The following PLAC1 variants were observed in gnomAD, a reference collection of about 807,000 sequenced individuals.
The protein encoded by PLAC1 is placenta-specific protein 1.
For synonymous variants in PLAC1, 68 were observed against 62.1 expected (o/e 1.09, Z -0.44); for missense variants, 136 against 163.2 (o/e 0.83, Z 0.91).
intron 2 of PLAC1, among the ~76,000 whole-genome samples, chrX:134,590,086 T>C (rs2078029726): frequency 9.1e-6 from 1 of 109,647 alleles, no homozygotes; most frequent in South Asian, 4.0e-4. Context: ...TCCCAGCTAC[T>C]TGGGAGGCTG....
chrX:134,718,431 CCTT>C (rs978869731), intron 2 of PLAC1, among the ~76,000 whole-genome samples: 1 of 112,365 alleles, frequency 8.9e-6, no homozygotes, highest in African/African-American at 3.2e-5. Context: ...AGAAGTACCT[CCTT>C]CTTGGACTTC....
At chrX:134,607,149 A>C in intron 1 of PLAC1, 1 of 131,958 alleles carries the variant, frequency 7.6e-6, no homozygotes, top group Non-Finnish European at 1.6e-5. Context: ...TATTTTGCCA[A>C]AATAATGAAC....
intron 2 of PLAC1, among the ~76,000 whole-genome samples, chrX:134,698,643 T>C (rs997613420): frequency 1.8e-5 from 2 of 111,124 alleles, no homozygotes; most frequent in South Asian, 7.8e-4. Context: ...GCTAAGTCCT[T>C]AGCCTTCTTT....
chrX:134,760,821 G>A (rs1343783461), intron 1 of PLAC1, among the ~76,000 whole-genome samples: 2 of 111,244 alleles, frequency 1.8e-5, no homozygotes, highest in Non-Finnish European at 3.8e-5. Flanking sequence ...AGACAGTTAC[G>A]TTGTGCCAGA....
chrX:134,581,379 G>T (rs1009800467), intron 2 of PLAC1, among the ~76,000 whole-genome samples: 2 of 109,960 alleles, frequency 1.8e-5, no homozygotes, highest in African/African-American at 6.6e-5. Context: ...GGGTGAAAGC[G>T]CCCTTCATTC....
intron 2 of PLAC1, among the ~76,000 whole-genome samples, chrX:134,690,383 G>A (rs946932961): frequency 8.9e-6 from 1 of 111,760 alleles, no homozygotes; most frequent in Admixed American, 9.5e-5. Context: ...AGAAGATATG[G>A]ATCACTGGGG....
At chrX:134,694,270 C>T (rs1013228475) in intron 2 of PLAC1, among the ~76,000 whole-genome samples, 1 of 111,634 alleles carries the variant, frequency 9.0e-6, no homozygotes, top group African/African-American at 3.3e-5. Flanking sequence ...ATTCATTAGA[C>T]ATGTTAATTT....
intron 2 of PLAC1, among the ~76,000 whole-genome samples, chrX:134,664,181 A>C (rs1175472153): frequency 9.0e-6 from 1 of 111,640 alleles, no homozygotes; most frequent in Non-Finnish European, 1.9e-5. Flanking sequence ...AACACAGATG[A>C]CTGGGTCCCA....
chrX:134,605,383 A>C (rs1192365807), intron 1 of PLAC1, among the ~76,000 whole-genome samples: 2 of 112,232 alleles, frequency 1.8e-5, no homozygotes, highest in South Asian at 7.4e-4. Context: ...ATCCAGCTTC[A>C]GCTCTCCCCG....
intron 2 of PLAC1, among the ~76,000 whole-genome samples, chrX:134,669,622 G>A (rs943538094): frequency 8.9e-6 from 1 of 112,260 alleles, no homozygotes; most frequent in African/African-American, 3.2e-5. Context: ...TTGCAGAATG[G>A]GTAGGAGTTA....
intron 1 of PLAC1, among the ~76,000 whole-genome samples, chrX:134,761,064 T>C (rs1387261612): frequency 1.8e-5 from 2 of 111,436 alleles, no homozygotes; most frequent in African/African-American, 3.3e-5. Context: ...AGCTTACCCA[T>C]AGGCTCATGA....
At chrX:134,571,479 T>C (rs567488599) in intron 2 of PLAC1, among the ~76,000 whole-genome samples, 1 of 111,447 alleles carries the variant, frequency 9.0e-6, no homozygotes, top group South Asian at 3.7e-4. Context: ...GAATAAGTTC[T>C]AGTGATCTAT....
chrX:134,657,261 T>C (rs2078396652), intron 1 of PLAC1, among the ~76,000 whole-genome samples: 1 of 112,193 alleles, frequency 8.9e-6, no homozygotes, highest in African/African-American at 3.2e-5. Context: ...GATAAAACCA[T>C]CACAAATCAA....
chrX:134,585,892 C>A (rs1290327906), intron 2 of PLAC1, among the ~76,000 whole-genome samples: 1 of 111,518 alleles, frequency 9.0e-6, no homozygotes, highest in Non-Finnish European at 1.9e-5. Context: ...AAGAAGGACC[C>A]CTGCTGACTT....
chrX:134,625,050 A>G (rs1447451075), intron 1 of PLAC1, among the ~76,000 whole-genome samples: 1 of 111,925 alleles, frequency 8.9e-6, no homozygotes, highest in Non-Finnish European at 1.9e-5. Flanking sequence ...GGCATGATCT[A>G]TTACAGCCTA....
At chrX:134,648,300 G>C (rs1041963663) in intron 1 of PLAC1, among the ~76,000 whole-genome samples, 3 of 111,383 alleles carry the variant, frequency 2.7e-5, no homozygotes, top group Non-Finnish European at 5.7e-5. Context: ...GGGGACAAGG[G>C]AATGAAAGGG....
At chrX:134,708,534 CTTT>C (rs758488220) in intron 2 of PLAC1, among the ~76,000 whole-genome samples, 1 of 73,649 alleles carries the variant, frequency 1.4e-5, no homozygotes. Flanking sequence ...CATTCTGTAT[CTTT>C]TTTTTTTTTT....
At chrX:134,741,235 G>A (rs1363507583) in intron 1 of PLAC1, among the ~76,000 whole-genome samples, 1 of 111,781 alleles carries the variant, frequency 8.9e-6, no homozygotes, top group Non-Finnish European at 1.9e-5. Flanking sequence ...AGGTTTTATT[G>A]TTTATGTTTA....
At chrX:134,579,509 GA>G (rs1324035451) in intron 2 of PLAC1, among the ~76,000 whole-genome samples, 1 of 111,956 alleles carries the variant, frequency 8.9e-6, no homozygotes, top group East Asian at 2.8e-4. Context: ...TAGGAGAGGG[GA>G]CAGAATCAAC....
Sources: gnomAD v4.1 joint callset for allele counts (sites outside exome capture counted in the v4.1 genomes callset) on GRCh38, gnomAD v4.1.1 for gene constraint, MANE v1.5 for transcripts, NCBI Gene and HGNC (gene_info 2026-07-23, HGNC 2026-07-21) for gene names.